RBFOX1: variants seen among roughly 807,000 people sequenced by gnomAD.
The protein encoded by RBFOX1 is RNA binding protein fox-1 homolog 1.
A neutral mutation model predicts 57.7 loss-of-function variants in RBFOX1; 8 were observed. The observed-to-expected ratio is 0.14, with a 90% CI of 0.08 to 0.25. RBFOX1 has a LOEUF of 0.25. Ranked by LOEUF, RBFOX1 falls within the 10% of genes least tolerant of loss-of-function variation. The pLI is 1.00. For synonymous variants in RBFOX1, 326 were observed against 222.4 expected (o/e 1.47, Z -4.15); for missense variants, 611 against 548.5 (o/e 1.11, Z -1.14).
At chr16:7,351,207 C>G (rs1327772606) in intron 4 of RBFOX1, among the ~76,000 whole-genome samples, 1 of 152,230 alleles carries the variant, frequency 6.6e-6, no homozygotes, top group Non-Finnish European at 1.5e-5. Flanking sequence ...CAGCCTCACT[C>G]ACTGTTAGCT....
intron 3 of RBFOX1, among the ~76,000 whole-genome samples, chr16:6,781,245 T>G (rs28883312): frequency 3.9e-5 from 6 of 152,118 alleles, no homozygotes; most frequent in East Asian, 1.9e-4. Flanking sequence ...TGATTTGTCT[T>G]TGTTGAACCA....
In RBFOX1 at chr16:7,048,025, C is replaced by T. The variant is rs150912688; in HGVS notation, c.-15-4032C>T. 2.0e-5 allele frequency among the ~76,000 whole-genome samples: 3 copies of T among 151,602 alleles called. No homozygotes were observed. The East Asian group carries it at 5.9e-4, about 30-fold the overall frequency. ...GTCTGAGTAGCTGGGAATAAAGGTG[C>T]CTGCCACAACGCCTGGCTAATTTTT... On this transcript the variant is annotated intron_variant, in intron 3 of 15. Transcript: ENST00000550418.
intron 3 of RBFOX1, among the ~76,000 whole-genome samples, chr16:6,830,250 G>C (rs543435605): frequency 1.3e-5 from 2 of 152,256 alleles, no homozygotes; most frequent in South Asian, 2.1e-4. Context: ...GAAGACATCA[G>C]TATCTAAGAA....
At chr16:6,573,127 A>G (rs1415344203) in intron 2 of RBFOX1, among the ~76,000 whole-genome samples, 2 of 152,024 alleles carry the variant, frequency 1.3e-5, no homozygotes, top group Non-Finnish European at 2.9e-5. Context: ...AGATTTTTGC[A>G]CCTTTTGTAG....
chr16:6,364,887 G>A (rs2089281613), intron 2 of RBFOX1, among the ~76,000 whole-genome samples: 1 of 152,142 alleles, frequency 6.6e-6, no homozygotes. Context: ...CCTAGACTGG[G>A]CGAGGGGCAG....
intron 4 of RBFOX1, among the ~76,000 whole-genome samples, chr16:5,940,353 C>T (rs908244851): frequency 6.6e-6 from 1 of 152,126 alleles, no homozygotes; most frequent in Non-Finnish European, 1.5e-5. Context: ...TCCAGGCATG[C>T]CCTAAGAGCC....
At chr16:6,385,455 G>C (rs940560849) in intron 2 of RBFOX1, among the ~76,000 whole-genome samples, 24 of 152,174 alleles carry the variant, frequency 1.6e-4, no homozygotes, top group African/African-American at 4.8e-4. Flanking sequence ...CTCCTCCCAG[G>C]ATCAAGTGAT....
chr16:6,313,234 G>A (rs550606612), intron 1 of RBFOX1, among the ~76,000 whole-genome samples: 58 of 152,300 alleles, frequency 3.8e-4, no homozygotes, highest in African/African-American at 1.3e-3. Flanking sequence ...CTGTGTCTAG[G>A]AGCAAATCAT....
At chr16:6,619,508 C>T (rs930085497) in intron 2 of RBFOX1, among the ~76,000 whole-genome samples, 5 of 151,946 alleles carry the variant, frequency 3.3e-5, no homozygotes, top group African/African-American at 1.2e-4. Context: ...TGCCTTTCTG[C>T]TTAGTTAGGA....
At chr16:6,029,402 C>G (rs1209954716) in intron 1 of RBFOX1, among the ~76,000 whole-genome samples, 1 of 152,196 alleles carries the variant, frequency 6.6e-6, no homozygotes, top group Non-Finnish European at 1.5e-5. Flanking sequence ...ATTTTAAAAA[C>G]TTGACATTAT....
At chr16:5,908,639 CT>C (rs2058537250) in intron 4 of RBFOX1, among the ~76,000 whole-genome samples, 1 of 152,068 alleles carries the variant, frequency 6.6e-6, no homozygotes, top group African/African-American at 2.4e-5. Context: ...TTATTAATTA[CT>C]ATATGATCCT....
chr16:5,389,660 C>G (rs966035188), intron 1 of RBFOX1, among the ~76,000 whole-genome samples: 2 of 151,582 alleles, frequency 1.3e-5, no homozygotes, highest in African/African-American at 4.8e-5. Flanking sequence ...TTTGCTGCTT[C>G]TCTTCCTATT....
intron 1 of RBFOX1, among the ~76,000 whole-genome samples, chr16:5,321,556 G>A (rs994120198): frequency 3.3e-5 from 5 of 152,060 alleles, no homozygotes; most frequent in East Asian, 1.9e-4. Flanking sequence ...TCCTGACCTC[G>A]TGATCCGCCC....
intron 1 of RBFOX1, among the ~76,000 whole-genome samples, chr16:5,258,331 A>G (rs963860549): frequency 2.0e-5 from 3 of 152,170 alleles, no homozygotes; most frequent in African/African-American, 7.2e-5. Context: ...GAAGTATTTA[A>G]AAAATAGTTT....
At chr16:6,754,183 A>G (rs113387146) in intron 3 of RBFOX1, among the ~76,000 whole-genome samples, 1 of 152,172 alleles carries the variant, frequency 6.6e-6, no homozygotes, top group African/African-American at 2.4e-5. Flanking sequence ...AAAACTCAAC[A>G]CTCAGGCAGC....
intron 3 of RBFOX1, among the ~76,000 whole-genome samples, chr16:7,009,465 T>A (rs1307081891): frequency 6.6e-6 from 1 of 151,928 alleles, no homozygotes; most frequent in African/African-American, 2.4e-5. Context: ...GCCATAGGAA[T>A]ATATTGACTG....
At chr16:6,565,172 A>C (rs896620926) in intron 2 of RBFOX1, among the ~76,000 whole-genome samples, 1 of 151,374 alleles carries the variant, frequency 6.6e-6, no homozygotes. Context: ...GGTAAACTAC[A>C]GTGATAACAA....
At chr16:6,263,103 G>C (rs2152642175) in intron 1 of RBFOX1, among the ~76,000 whole-genome samples, 1 of 152,276 alleles carries the variant, frequency 6.6e-6, no homozygotes, top group South Asian at 2.1e-4. Context: ...GTGTGTTTAG[G>C]AGAACACAGA....
intron 2 of RBFOX1, among the ~76,000 whole-genome samples, chr16:6,407,354 T>A (rs924927646): frequency 6.6e-6 from 1 of 152,170 alleles, no homozygotes; most frequent in Non-Finnish European, 1.5e-5. Flanking sequence ...TATGTCTATG[T>A]ATATATCTAT....
Sources: allele counts gnomAD v4.1 joint callset (sites outside exome capture counted in the v4.1 genomes callset), GRCh38; gene constraint gnomAD v4.1.1; transcripts MANE v1.5; gene names NCBI Gene and HGNC (gene_info 2026-07-23, HGNC 2026-07-21).